The following ARHGEF16 variants were observed in gnomAD, a reference collection of about 807,000 sequenced individuals.
ARHGEF16 encodes the protein Rho guanine nucleotide exchange factor 16, also known as Rho guanine exchange factor (GEF) 16.
ARHGEF16 carries 59 observed loss-of-function variants against 74.1 expected under a neutral mutation model. That is an observed-to-expected ratio of 0.80 (90% CI 0.65 to 0.99). The LOEUF is 0.99. Among genes scored for constraint, ARHGEF16 ranks in the 50% least tolerant of loss-of-function variants. The pLI is 0.00. For missense variants in ARHGEF16, 948 were observed against 986.6 expected (o/e 0.96, Z 0.52); for synonymous variants, 415 against 412.6 (o/e 1.01, Z -0.07).
chr1:3,463,722 G>T, intron 2 of ARHGEF16, 50 bp downstream of exon 2: 1 of 1,338,358 alleles, frequency 7.5e-7, no homozygotes, highest in South Asian at 2.4e-5. Flanking sequence ...TAGGCAGAGG[G>T]GCGGCCTGGC....
intron 3 of ARHGEF16, chr1:3,466,963 G>A (rs572207423): frequency 9.2e-5 from 50 of 544,804 alleles, no homozygotes; most frequent in Middle Eastern, 4.9e-4. Context: ...ACCCTGAGCC[G>A]GGACCAGCCC....
chr1:3,479,365 C>T (rs2100763014), intron 12 of ARHGEF16, 152 bp from the exon 13 acceptor site: 1 of 846,284 alleles, frequency 1.2e-6, no homozygotes, highest in East Asian at 2.7e-5. Flanking sequence ...TGGGGGTTAG[C>T]CTGCCTGGCA....
At chr1:3,468,142 C>T (rs1161093865) in intron 4 of ARHGEF16, among the ~76,000 whole-genome samples, 1 of 152,192 alleles carries the variant, frequency 6.6e-6, no homozygotes, top group African/African-American at 2.4e-5. Flanking sequence ...GTGTGGTCTC[C>T]CTCTGTCGGG....
chr1:3,463,547 C>T lies in ARHGEF16; in HGVS notation c.463C>T (p.Arg155Trp), dbSNP rs1453195678. Residue 155 changes from arginine to tryptophan, a missense_variant, in exon 2 of 15, where the codon CGG becomes TGG. Transcript: ENST00000378378. ...LRRNLRNQSYRAAMKGLGKPG... is the reference protein window; with the variant it reads ...LRRNLRNQSYWAAMKGLGKPG... ...GCGGAACCTGCGGAACCAATCCTAC[C>T]GGGCGGCCATGAAGGGCCTGGGGAA... is the stretch of plus-strand genomic sequence containing the variant. The T allele has an allele frequency of 4.8e-6, 7 of 1,461,676 alleles. No homozygotes were observed. The highest frequency in any genetic ancestry group is 2.9e-5 in the African/African-American group (2 of 70,122). 90.5% of individuals were successfully genotyped at this position (1,461,676 alleles called of 1,614,324 possible). A position where few individuals can be genotyped will look rare whatever the true frequency, so the allele number is the denominator to read the frequency against.
chr1:3,460,364 G>T (rs1200580126), intron 1 of ARHGEF16, among the ~76,000 whole-genome samples: 4 of 152,200 alleles, frequency 2.6e-5, no homozygotes, highest in Non-Finnish European at 5.9e-5. Flanking sequence ...GGGCAGTCTG[G>T]CCCCATTAGG....
rs1639620601 is a variant in ARHGEF16, at chr1:3,468,772, G to T, written c.805-108G>T. 6 of 1,298,602 alleles carry T rather than the reference G, an allele frequency of 4.6e-6. No homozygotes were observed. In the South Asian group the frequency reaches 6.4e-5, roughly 14 times the overall value. 80.4% of individuals were successfully genotyped at this position (1,298,602 alleles called of 1,614,324 possible). ...ATCGGACCTACCTGAGCCCTGTGGGGTGGCTGTCCATGTTGGCCCTGGTCC... is the reference window on the plus strand; with the variant it reads ...ATCGGACCTACCTGAGCCCTGTGGGTTGGCTGTCCATGTTGGCCCTGGTCC... On this transcript the variant is annotated intron_variant, in intron 4 of 14. Transcript: ENST00000378378.
chr1:3,479,962 CG>C (rs780188517), intron 14 of ARHGEF16, 49 bp downstream of exon 14: 2 of 1,565,908 alleles, frequency 1.3e-6, no homozygotes, highest in Non-Finnish European at 1.8e-6. Flanking sequence ...GACAGGCGGG[CG>C]TGAGTCAGCG....
intron 10 of ARHGEF16, 113 bp downstream of exon 10, chr1:3,476,175 C>CCCCCAGG: frequency 1.8e-6 from 2 of 1,139,888 alleles, no homozygotes; most frequent in Non-Finnish European, 2.5e-6. Flanking sequence ...TGGGTGCCTG[C>CCCCCAGG]CCTCATGAGG....
In ARHGEF16 at chr1:3,476,052, G is replaced by A; in HGVS notation, c.1463G>A (p.Ser488Asn). 2 of 1,552,650 alleles carry A rather than the reference G, an allele frequency of 1.3e-6. No homozygotes were observed. The highest frequency in any genetic ancestry group is 2.4e-5 in the South Asian group (2 of 84,150). The change falls in exon 10 of 15, where the codon AGC becomes AAC. Residue 488 changes from serine to asparagine, a missense_variant. Coordinates refer to ENST00000378378, the MANE Select transcript of ARHGEF16 (RefSeq NM_014448.4). ...ACGCTGCACACACAGCTGGACTTCA[G>A]CAAGGTCAAGGTAGGTGGCCCCGGA... ...MYTLHTQLDF[S>N]KVKSLPLISA...
chr1:3,469,372 G>A, intron 5 of ARHGEF16, 61 bp from the exon 6 acceptor site: 1 of 1,587,716 alleles, frequency 6.3e-7, no homozygotes, highest in Non-Finnish European at 8.6e-7. Context: ...CCAAGCATTG[G>A]TCACCGAGGC....
At chr1:3,470,952 G>A (rs1287579513) in intron 6 of ARHGEF16, among the ~76,000 whole-genome samples, 1 of 143,456 alleles carries the variant, frequency 7.0e-6, no homozygotes, top group Admixed American at 6.9e-5. Context: ...AGGGGTGTGC[G>A]TGGGTGTGTG....
At chr1:3,462,293 G>A (rs916624379) in intron 1 of ARHGEF16, among the ~76,000 whole-genome samples, 1 of 152,202 alleles carries the variant, frequency 6.6e-6, no homozygotes, top group East Asian at 1.9e-4. Flanking sequence ...AGAATTGTCA[G>A]CTTTATGCCC....
At chr1:3,474,340 A>C (rs146866358) in intron 8 of ARHGEF16, 5 of 287,068 alleles carry the variant, frequency 1.7e-5, no homozygotes, top group African/African-American at 1.1e-4. Flanking sequence ...GAGGCTACAC[A>C]TGGCAGGGTT....
Position 3,463,189 on chromosome 1 carries a change from C to A in ARHGEF16, c.105C>A (p.Leu35=). Residue 35 remains leucine, a synonymous_variant, in exon 2 of 15, where the codon CTC becomes CTA. Transcript: ENST00000378378. ...LDAGGNPASG[L]PMVRGSPRVR... ...CCGGGGGGAACCCAGCCTCCGGGCT[C>A]CCAATGGTCCGTGGCTCCCCGCGTG... 1 of 1,534,726 alleles carries A rather than the reference C, an allele frequency of 6.5e-7. No homozygotes were observed. Among genetic ancestry groups the A allele is most frequent in the Non-Finnish European group, 8.8e-7 (1 of 1,135,698 alleles).
rs900800148 is a variant in ARHGEF16 at position 3,478,432 on chromosome 1, G to A, written c.1634G>A (p.Ser545Asn). The A allele has an allele frequency of 1.9e-6, 3 of 1,600,572 alleles. No individual in the cohort carries two copies. The highest frequency in any genetic ancestry group is 2.6e-6 in the Non-Finnish European group (3 of 1,171,150). Residue 545 changes from serine (S) to asparagine (N), a missense_variant, in exon 12 of 15, where the codon AGC (serine) becomes AAC (asparagine). Physicochemically the swap from Ser to Asn is conservative, Grantham distance 46. Transcript: ENST00000378378. ...LVVTKKKSEE[S>N]YMVQDYAQMN... ...TGCCCGTGTCTCCACAGCGAGGAGA[G>A]CTACATGGTCCAGGACTACGCCCAG...
chr1:3,461,896 G>T (rs1442447953), intron 1 of ARHGEF16, among the ~76,000 whole-genome samples: 1 of 152,214 alleles, frequency 6.6e-6, no homozygotes, highest in Non-Finnish European at 1.5e-5. Flanking sequence ...TGGCAGGCAC[G>T]TATGTCCCAA....
chr1:3,468,611 C>T (rs1639614935), intron 4 of ARHGEF16: 1 of 505,690 alleles, frequency 2.0e-6, no homozygotes. Flanking sequence ...TGGCCTCTCC[C>T]TCTGGATGCC....
intron 10 of ARHGEF16, 96 bp downstream of exon 10, chr1:3,476,158 T>C (rs1474710308): frequency 6.0e-6 from 8 of 1,328,804 alleles, no homozygotes; most frequent in African/African-American, 1.5e-5. Flanking sequence ...GCCTGAGGGC[T>C]GGAGAGTGGG....
intron 10 of ARHGEF16, 136 bp from the exon 11 acceptor site, chr1:3,477,739 T>G: frequency 1.3e-6 from 1 of 779,734 alleles, no homozygotes; most frequent in South Asian, 1.7e-5. Context: ...GGCAGCCAGC[T>G]GGTCACCCAG....
Sources: allele counts gnomAD v4.1 joint callset (sites outside exome capture counted in the v4.1 genomes callset), GRCh38; gene constraint gnomAD v4.1.1; transcripts MANE v1.5; gene names NCBI Gene and HGNC (gene_info 2026-07-23, HGNC 2026-07-21).